Variants in C16orf74 observed in about 807,000 individuals in gnomAD.
C16orf74 encodes the protein uncharacterized protein C16orf74.
C16orf74 carries 10 observed loss-of-function variants against 6.5 expected under a neutral mutation model. That is an observed-to-expected ratio of 1.54 (90% confidence interval 0.95 to 2.61). C16orf74 has a LOEUF of 2.61. Among genes scored for constraint, C16orf74 ranks in the 30% most tolerant of loss-of-function variants. C16orf74 has a pLI of 0.00. For missense variants in C16orf74, 141 were observed against 105.9 expected, an observed-to-expected ratio of 1.33 and a Z score of -1.45; for synonymous variants, 60 against 42.5, an observed-to-expected ratio of 1.41 and a Z score of -1.60.
At chr16:85,714,402 T>C (rs1454498440) in intron 2 of C16orf74, among the ~76,000 whole-genome samples, 1 of 37,274 alleles carries the variant, frequency 2.7e-5, no homozygotes, top group African/African-American at 7.9e-5. Flanking sequence ...TATTTATTTA[T>C]TATTTATTTA....
At chr16:85,750,510 G>A (rs1458006753) in intron 1 of C16orf74, among the ~76,000 whole-genome samples, 3 of 152,198 alleles carry the variant, frequency 2.0e-5, no homozygotes, top group African/African-American at 2.4e-5. Flanking sequence ...GGAAATACTC[G>A]ATAGAGTGGA....
At position 85,707,744 on chromosome 16, in the gene C16orf74, C is replaced by A. The variant is rs916697904; in HGVS notation, c.*264G>T. 1.0e-5 allele frequency: 5 copies of A among 500,882 alleles called. No individual in the cohort carries two copies. The highest frequency in any genetic ancestry group is 1.8e-5 in the Non-Finnish European group (5 of 280,564). 31.0% of individuals were successfully genotyped at this position (500,882 alleles called of 1,614,324 possible). On this transcript the variant is annotated 3_prime_UTR_variant, in exon 4 of 4. Transcript: ENST00000284245. ...GGGACCCCAACAGCCAGGACCATGG[C>A]GCTCCCTTTCACCAGGCCGGAGTCA...
At chr16:85,721,225 A>G (rs2054079425) in intron 2 of C16orf74, among the ~76,000 whole-genome samples, 1 of 152,122 alleles carries the variant, frequency 6.6e-6, no homozygotes, top group Non-Finnish European at 1.5e-5. Flanking sequence ...GAACAAAAAA[A>G]AAAGCCACGT....
At chr16:85,737,460 G>C (rs1326875006) in intron 1 of C16orf74, among the ~76,000 whole-genome samples, 10 of 152,202 alleles carry the variant, frequency 6.6e-5, no homozygotes, top group Non-Finnish European at 1.0e-4. Flanking sequence ...CACTTGGGGA[G>C]GCTGAGGCAT....
intron 1 of C16orf74, among the ~76,000 whole-genome samples, chr16:85,738,326 A>AT (rs368313117): frequency 0.081 from 11,010 of 135,636 alleles, 801 homozygotes; most frequent in Admixed American, 0.17. Context: ...TGGCATTGGG[A>AT]TTTTTTTTTT....
intron 2 of C16orf74, among the ~76,000 whole-genome samples, chr16:85,727,451 C>T (rs2054145314): frequency 6.6e-6 from 1 of 152,296 alleles, no homozygotes; most frequent in East Asian, 1.9e-4. Flanking sequence ...AACTAAATAT[C>T]ATGTGGGATC....
intron 2 of C16orf74, among the ~76,000 whole-genome samples, chr16:85,717,972 G>A (rs2054041768): frequency 6.6e-6 from 1 of 152,248 alleles, no homozygotes. Context: ...CATTCCCTGT[G>A]CCAGCTCTTG....
intron 2 of C16orf74, 88 bp from the exon 3 acceptor site, chr16:85,710,395 T>C: frequency 7.6e-7 from 1 of 1,310,218 alleles, no homozygotes; most frequent in South Asian, 1.6e-5. Flanking sequence ...GGCGCCACCC[T>C]CCCTTCACTA....
Position 85,707,697 on chromosome 16 carries a change from G to C in C16orf74, c.*311C>G, listed in dbSNP as rs2053926022. ...CCCTGGGGGCTGGGAGGGTGTGTTT[G>C]TCCAGAAGAGAGCCTCTCCCTGGGA... On this transcript the variant is annotated 3_prime_UTR_variant, in exon 4 of 4. Coordinates refer to ENST00000284245, the MANE Select transcript of C16orf74 (RefSeq NM_206967.3). 2.5e-6 allele frequency: 1 copy of C among 403,624 alleles called. No individual in the cohort carries two copies. The highest frequency in any genetic ancestry group is 4.5e-6 in the Non-Finnish European group (1 of 223,764). 25.0% of individuals were successfully genotyped at this position (403,624 alleles called of 1,614,324 possible).
intron 2 of C16orf74, among the ~76,000 whole-genome samples, chr16:85,720,836 C>T (rs201046563): frequency 1.3e-5 from 2 of 151,294 alleles, no homozygotes; most frequent in East Asian, 3.9e-4. Flanking sequence ...GCTTGTAATC[C>T]CAGCACTTTG....
chr16:85,717,106 A>C (rs1369940431), intron 2 of C16orf74, among the ~76,000 whole-genome samples: 1 of 152,178 alleles, frequency 6.6e-6, no homozygotes, highest in African/African-American at 2.4e-5. Flanking sequence ...CTCTGCGGCC[A>C]TGCACTGTCC....
chr16:85,710,339 G>A lies in C16orf74; in HGVS notation c.29-32C>T, dbSNP rs965389118. 8 of 1,458,696 alleles carry A rather than the reference G, an allele frequency of 5.5e-6. No individual in the cohort carries two copies. In the East Asian group the frequency reaches 8.7e-5, roughly 16 times the overall value. The allele number at this position is 1,458,696 out of a possible 1,614,324, so 90.4% of individuals were successfully genotyped here. A position where few individuals can be genotyped will look rare whatever the true frequency, so the allele number is the denominator to read the frequency against. Reference sequence around the variant, plus strand: ...AGCCAGGCGTGGAGCACACACGCACGTACACACGACAGAGAGACAGGCATC... The same window carrying A: ...AGCCAGGCGTGGAGCACACACGCACATACACACGACAGAGAGACAGGCATC... On this transcript the variant is annotated intron_variant, in intron 2 of 3. Coordinates refer to ENST00000284245, the MANE Select transcript of C16orf74 (RefSeq NM_206967.3).
chr16:85,732,780 G>A (rs748514172), intron 2 of C16orf74, among the ~76,000 whole-genome samples: 98 of 152,294 alleles, frequency 6.4e-4, no homozygotes, highest in Non-Finnish European at 1.1e-3. Context: ...GGCGAGTGGG[G>A]GTGGGCAGGG....
At chr16:85,714,451 G>A (rs1425512199) in intron 2 of C16orf74, among the ~76,000 whole-genome samples, 1 of 151,044 alleles carries the variant, frequency 6.6e-6, no homozygotes, top group Non-Finnish European at 1.5e-5. Flanking sequence ...ACGGAGTCTT[G>A]CTCTGTCGCC....
chr16:85,713,706 C>T (rs1218644091), intron 2 of C16orf74, among the ~76,000 whole-genome samples: 3 of 152,196 alleles, frequency 2.0e-5, no homozygotes, highest in African/African-American at 2.4e-5. Flanking sequence ...GCCCTGGGGG[C>T]GAGGAGGTTG....
At chr16:85,729,803 A>T (rs2152062605) in intron 2 of C16orf74, among the ~76,000 whole-genome samples, 1 of 152,300 alleles carries the variant, frequency 6.6e-6, no homozygotes, top group South Asian at 2.1e-4. Flanking sequence ...GGAGGCCTGA[A>T]GCTATCAGAA....
chr16:85,723,554 G>C (rs1219445083), intron 2 of C16orf74, among the ~76,000 whole-genome samples: 1 of 152,210 alleles, frequency 6.6e-6, no homozygotes, highest in African/African-American at 2.4e-5. Context: ...TGAGTGGAAG[G>C]GGCTGCTGGT....
chr16:85,709,750 CG>C (rs991610123), intron 3 of C16orf74, among the ~76,000 whole-genome samples: 10 of 152,206 alleles, frequency 6.6e-5, no homozygotes, highest in African/African-American at 2.4e-4. Flanking sequence ...GCCCAGGGTC[CG>C]GCCCCAGCCT....
chr16:85,721,267 C>T (rs1260202205), intron 2 of C16orf74, among the ~76,000 whole-genome samples: 1 of 152,150 alleles, frequency 6.6e-6, no homozygotes, highest in Non-Finnish European at 1.5e-5. Context: ...CGGAAACACT[C>T]GTGTGTGACC....
Sources: gnomAD v4.1 joint callset for allele counts (sites outside exome capture counted in the v4.1 genomes callset) on GRCh38, gnomAD v4.1.1 for gene constraint, MANE v1.5 for transcripts, NCBI Gene and HGNC (gene_info 2026-07-23, HGNC 2026-07-21) for gene names.